Variants in MUSK observed in about 807,000 individuals in gnomAD.
The protein encoded by MUSK is muscle, skeletal receptor tyrosine-protein kinase.
MUSK carries 55 observed loss-of-function variants against 88.7 expected under a neutral mutation model. That is an observed-to-expected ratio of 0.62 (90% CI 0.50 to 0.78). MUSK has a LOEUF of 0.78. Among genes scored for constraint, MUSK ranks in the 30% least tolerant of loss-of-function variants. The pLI, the probability that MUSK is intolerant of heterozygous loss-of-function variation, is 0.00. For missense variants in MUSK, 1,015 were observed against 1,074.3 expected (o/e 0.94, Z 0.77); for synonymous variants, 387 against 391.9 (o/e 0.99, Z 0.15).
intron 3 of MUSK, among the ~76,000 whole-genome samples, chr9:110,694,582 A>C (rs2076407496): frequency 6.6e-6 from 1 of 152,126 alleles, no homozygotes; most frequent in South Asian, 2.1e-4. Context: ...GCAAGAAATA[A>C]AATGTGTCCA....
At chr9:110,735,657 G>A (rs763931263) in intron 6 of MUSK, among the ~76,000 whole-genome samples, 73 of 152,034 alleles carry the variant, frequency 4.8e-4, no homozygotes, top group Admixed American at 1.9e-3. Context: ...TTCTCGCATC[G>A]CGATAAAGAA....
chr9:110,770,334 ATAAT>A (rs1173779064), intron 9 of MUSK, among the ~76,000 whole-genome samples: 1 of 132,422 alleles, frequency 7.6e-6, no homozygotes, highest in East Asian at 2.2e-4. Context: ...ATAATAATTA[ATAAT>A]TATTATATTA....
chr9:110,719,355 A>G (rs553676593), intron 5 of MUSK, among the ~76,000 whole-genome samples: 2 of 152,246 alleles, frequency 1.3e-5, no homozygotes, highest in East Asian at 3.9e-4. Flanking sequence ...CACCTAACAC[A>G]TAAGGACTAA....
At chr9:110,702,089 C>G (rs1240370251) in intron 5 of MUSK, among the ~76,000 whole-genome samples, 1 of 150,982 alleles carries the variant, frequency 6.6e-6, no homozygotes, top group Non-Finnish European at 1.5e-5. Context: ...CGGATATGAG[C>G]CTAGGATTAA....
chr9:110,695,846 A>G (rs2076424022), intron 4 of MUSK, among the ~76,000 whole-genome samples: 1 of 152,044 alleles, frequency 6.6e-6, no homozygotes, highest in South Asian at 2.1e-4. Flanking sequence ...TCTGAGACTT[A>G]GGGGATGAAA....
intron 8 of MUSK, among the ~76,000 whole-genome samples, chr9:110,767,477 T>A (rs1467130579): frequency 6.6e-6 from 1 of 152,236 alleles, no homozygotes; most frequent in African/African-American, 2.4e-5. Context: ...GTCTTCCAGA[T>A]GCATCTTTGC....
chr9:110,697,977 A>C (rs2076455882), intron 5 of MUSK, among the ~76,000 whole-genome samples: 1 of 152,168 alleles, frequency 6.6e-6, no homozygotes, highest in South Asian at 2.1e-4. Flanking sequence ...TGTTATCAAA[A>C]TCGTTTTTCT....
chr9:110,773,644 T>C (rs2077616468), intron 9 of MUSK, among the ~76,000 whole-genome samples: 1 of 152,114 alleles, frequency 6.6e-6, no homozygotes, highest in African/African-American at 2.4e-5. Flanking sequence ...GTTTTTCACA[T>C]GTAAAAAAAA....
At chr9:110,683,635 C>T (rs554388236) in intron 2 of MUSK, among the ~76,000 whole-genome samples, 15 of 152,048 alleles carry the variant, frequency 9.9e-5, no homozygotes, top group East Asian at 1.9e-4. Flanking sequence ...CACATCCTTG[C>T]GAGCATTTGT....
Position 110,668,967 on chromosome 9 carries a change from T to C in MUSK, c.63T>C (p.Thr21=), listed in dbSNP as rs1466148518. The change falls in exon 1 of 15, where the codon ACT becomes ACC. Residue 21 remains threonine, a synonymous_variant. Coordinates refer to ENST00000374448, the MANE Select transcript of MUSK (RefSeq NM_005592.4). The part of the protein sequence containing the change: ...HILTLVAFSG[T]EKLPKAPVIT... ...TTACTCTGGTTGCCTTCAGCGGAACTGAGAAACTTCCAAAAGGTTGGTTTG... is the reference window on the plus strand; with the variant it reads ...TTACTCTGGTTGCCTTCAGCGGAACCGAGAAACTTCCAAAAGGTTGGTTTG... 3.1e-6 allele frequency: 5 copies of C among 1,613,674 alleles called. No homozygotes were observed. Among genetic ancestry groups the C allele is most frequent in the Non-Finnish European group, 3.4e-6 (4 of 1,179,598 alleles).
At chr9:110,718,288 C>T (rs530106855) in intron 5 of MUSK, among the ~76,000 whole-genome samples, 209 of 152,094 alleles carry the variant, frequency 1.4e-3, no homozygotes, top group Non-Finnish European at 2.4e-3. Context: ...CTTCAAAAGC[C>T]ACACACAGTC....
rs372554431 is a variant in MUSK at position 110,688,485 on chromosome 9, G to A, written c.358+1217G>A. ...TTTTAACTTTCATTTTGAGTTCAGG[G>A]GTACATCTGCAGAATGTGCAGTTGT... On this transcript the variant is annotated intron_variant, in intron 3 of 14. Coordinates refer to ENST00000374448, the MANE Select transcript of MUSK (RefSeq NM_005592.4). Among the ~76,000 whole-genome samples, 129 of 152,028 alleles carry A rather than the reference G, an allele frequency of 8.5e-4. 3 individuals are homozygous for A. The South Asian group carries it at 0.021, about 24-fold the overall frequency.
chr9:110,689,607 A>G (rs1467225450), intron 3 of MUSK, among the ~76,000 whole-genome samples: 3 of 100,938 alleles, frequency 3.0e-5, no homozygotes, highest in South Asian at 6.0e-4. Context: ...AACATATTAT[A>G]TATTTTAGTA....
chr9:110,786,168 AG>A (rs1564292240), intron 13 of MUSK, among the ~76,000 whole-genome samples: 5 of 151,356 alleles, frequency 3.3e-5, no homozygotes, highest in African/African-American at 1.2e-4. Flanking sequence ...AAATTGAGCC[AG>A]GCATGGTGGT....
chr9:110,669,118 T>C, intron 1 of MUSK, 135 bp downstream of exon 1: 2 of 801,202 alleles, frequency 2.5e-6, no homozygotes, highest in Non-Finnish European at 4.4e-6. Flanking sequence ...AAATGTATGA[T>C]GAGGGAGGAA....
At chr9:110,697,159 A>T (rs1469111860) in intron 4 of MUSK, among the ~76,000 whole-genome samples, 166 bp from the exon 5 acceptor site, 1 of 151,578 alleles carries the variant, frequency 6.6e-6, no homozygotes, top group African/African-American at 2.4e-5. Context: ...GTACTCTTGC[A>T]CTATTTCATT....
intron 6 of MUSK, among the ~76,000 whole-genome samples, chr9:110,744,495 T>C (rs547735408): frequency 6.6e-6 from 1 of 152,356 alleles, no homozygotes; most frequent in South Asian, 2.1e-4. Flanking sequence ...CTCAATCACC[T>C]TCAAAGAGTT....
intron 1 of MUSK, among the ~76,000 whole-genome samples, chr9:110,681,504 G>A (rs1009169626): frequency 4.0e-5 from 6 of 151,870 alleles, no homozygotes; most frequent in African/African-American, 1.5e-4. Context: ...TAGTATCTGT[G>A]TGACAAGTGG....
rs765765906 is a variant in MUSK, at chr9:110,787,718, T to C, written c.1807T>C (p.Phe603Leu). The change falls in exon 14 of 15, where the codon TTC (phenylalanine) becomes CTC (leucine). Residue 603 changes from phenylalanine to leucine, a missense_variant. By Grantham distance (22) the Phe-to-Leu change is conservative. Coordinates refer to ENST00000374448, the MANE Select transcript of MUSK (RefSeq NM_005592.4). ...ACCAGGCTTACTTCCCTATGAACCTTTCACTATGGTGGCAGTAAAGATGCT... is the reference window on the plus strand; with the variant it reads ...ACCAGGCTTACTTCCCTATGAACCTCTCACTATGGTGGCAGTAAAGATGCT... ...RAPGLLPYEP[F>L]TMVAVKMLKE... The C allele has an allele frequency of 6.2e-7, 1 of 1,613,956 alleles. No individual in the cohort carries two copies. The highest frequency in any genetic ancestry group is 8.5e-7 in the Non-Finnish European group (1 of 1,179,856).
Sources: allele counts gnomAD v4.1 joint callset (sites outside exome capture counted in the v4.1 genomes callset), GRCh38; gene constraint gnomAD v4.1.1; transcripts MANE v1.5; gene names NCBI Gene and HGNC (gene_info 2026-07-23, HGNC 2026-07-21).